MAF: variants seen among roughly 807,000 people sequenced by gnomAD.
MAF encodes the protein transcription factor Maf.
MAF carries 10 observed loss-of-function variants against 22.0 expected under a neutral mutation model. That is an observed-to-expected ratio of 0.45 (90% CI 0.28 to 0.77). MAF has a LOEUF of 0.77. MAF is among the 30% of genes least tolerant of loss of function. MAF has a pLI of 0.12. For missense variants in MAF, 544 were observed against 548.4 expected (o/e 0.99, Z 0.08); for synonymous variants, 337 against 255.8 (o/e 1.32, Z -3.03).
the MAF span, among the ~76,000 whole-genome samples, chr16:79,558,204 G>A: frequency 3.9e-5 from 6 of 152,110 alleles, no homozygotes; most frequent in Admixed American, 6.5e-5. Context: ...GGAAACAGCC[G>A]GAAAGAGTGT....
At chr16:79,520,095 T>C in the MAF span, among the ~76,000 whole-genome samples, 254 of 152,322 alleles carry the variant, frequency 1.7e-3, no homozygotes, top group African/African-American at 5.8e-3. Flanking sequence ...CTAGGGCCTC[T>C]TCTGAGTTCT....
the MAF span, among the ~76,000 whole-genome samples, chr16:79,329,925 G>C: frequency 6.6e-6 from 1 of 151,194 alleles, no homozygotes; most frequent in African/African-American, 2.4e-5. Flanking sequence ...ATAAAGAACA[G>C]ACACACCATA....
chr16:79,554,158 T>C, the MAF span, among the ~76,000 whole-genome samples: 1 of 152,102 alleles, frequency 6.6e-6, no homozygotes, highest in Admixed American at 6.5e-5. Context: ...AATGATTGAT[T>C]CTAAAGTGCT....
At chr16:79,253,865 GGGTTCTTT>G in the MAF span, among the ~76,000 whole-genome samples, 1 of 151,884 alleles carries the variant, frequency 6.6e-6, no homozygotes, top group Non-Finnish European at 1.5e-5. Context: ...AGAATCCTAG[GGGTTCTTT>G]TCCTTCCTTA....
the MAF span, among the ~76,000 whole-genome samples, chr16:79,267,420 G>A: frequency 6.6e-6 from 1 of 152,234 alleles, no homozygotes; most frequent in Admixed American, 6.5e-5. Context: ...TTAGGTGTGT[G>A]TGTGTACGTG....
chr16:79,405,589 C>T, the MAF span, among the ~76,000 whole-genome samples: 1 of 152,166 alleles, frequency 6.6e-6, no homozygotes, highest in Non-Finnish European at 1.5e-5. Flanking sequence ...CTTCAATTCG[C>T]CTTAGTGCAA....
At chr16:79,595,844 C>CA (rs1284735447) in intron 1 of MAF, 1 of 1,058,146 alleles carries the variant, frequency 9.5e-7, no homozygotes, top group African/African-American at 1.6e-5. Flanking sequence ...ATAGTTTAAA[C>CA]CAGATATGTA....
the MAF span, among the ~76,000 whole-genome samples, chr16:79,567,347 G>A: frequency 1.3e-5 from 2 of 152,054 alleles, no homozygotes; most frequent in Admixed American, 1.3e-4. Context: ...ATATTAGCTA[G>A]AGGGGTCACT....
At chr16:79,548,197 C>A in the MAF span, among the ~76,000 whole-genome samples, 1 of 152,130 alleles carries the variant, frequency 6.6e-6, no homozygotes, top group South Asian at 2.1e-4. Context: ...GATTAAAACA[C>A]ATTACATAAG....
chr16:79,483,034 C>T, the MAF span, among the ~76,000 whole-genome samples: 24 of 3,174 alleles, frequency 7.6e-3, no homozygotes, highest in Non-Finnish European at 0.012. Flanking sequence ...CCTCCCCTCC[C>T]TCCCTCCCCT....
the MAF span, among the ~76,000 whole-genome samples, chr16:79,322,977 C>T: frequency 6.6e-6 from 1 of 151,092 alleles, no homozygotes. Context: ...GATGAAACCC[C>T]ATCTCTACTA....
At chr16:79,515,221 G>C in the MAF span, among the ~76,000 whole-genome samples, 1 of 152,194 alleles carries the variant, frequency 6.6e-6, no homozygotes, top group Non-Finnish European at 1.5e-5. Context: ...CTTCAACGCT[G>C]CTGACCCTTA....
At chr16:79,215,660 G>C in the MAF span, among the ~76,000 whole-genome samples, 1 of 152,140 alleles carries the variant, frequency 6.6e-6, no homozygotes, top group African/African-American at 2.4e-5. Context: ...GGTAGCTGAG[G>C]ATTCTCCCAA....
At chr16:79,343,936 T>C in the MAF span, among the ~76,000 whole-genome samples, 1 of 152,248 alleles carries the variant, frequency 6.6e-6, no homozygotes, top group African/African-American at 2.4e-5. Context: ...ATCAATGTGA[T>C]GTTTGCATTT....
At chr16:79,285,321 C>G in the MAF span, among the ~76,000 whole-genome samples, 1 of 152,218 alleles carries the variant, frequency 6.6e-6, no homozygotes, top group African/African-American at 2.4e-5. Flanking sequence ...CCCCGCTTTC[C>G]TTAGGTCCAT....
the MAF span, among the ~76,000 whole-genome samples, chr16:79,509,945 C>T: frequency 1.3e-5 from 2 of 152,334 alleles, no homozygotes; most frequent in East Asian, 3.9e-4. Flanking sequence ...GGAAGGGACT[C>T]ACCGCTGAAG....
chr16:79,326,834 A>C, the MAF span, among the ~76,000 whole-genome samples: 1 of 152,232 alleles, frequency 6.6e-6, no homozygotes, highest in African/African-American at 2.4e-5. Context: ...ATCACCAGTA[A>C]TTCTTGAGGC....
At chr16:79,507,405 C>G in the MAF span, among the ~76,000 whole-genome samples, 1 of 151,424 alleles carries the variant, frequency 6.6e-6, no homozygotes, top group Non-Finnish European at 1.5e-5. Flanking sequence ...CGTGAGCCAC[C>G]AAGCCCAGCC....
chr16:79,501,284 T>C, the MAF span, among the ~76,000 whole-genome samples: 150,745 of 152,272 alleles, frequency 0.99, 74,633 homozygotes, highest in Middle Eastern at 1. Flanking sequence ...TCTTTGTGTT[T>C]GCTCCTCTTC....
Sources: allele counts gnomAD v4.1 joint callset (sites outside exome capture counted in the v4.1 genomes callset), GRCh38; gene constraint gnomAD v4.1.1; transcripts MANE v1.5; gene names NCBI Gene and HGNC (gene_info 2026-07-23, HGNC 2026-07-21).